CFI: variants seen among roughly 807,000 people sequenced by gnomAD.
CFI encodes the protein C3B/C4B inactivator.
In CFI, 66 loss-of-function variants were observed where a neutral mutation model predicts 78.8. That is an observed-to-expected ratio of 0.84 (90% confidence interval 0.69 to 1.03). The LOEUF (loss-of-function observed/expected upper bound fraction) is 1.03, where lower values mean the gene tolerates loss of function less well. Among genes scored for constraint, CFI ranks in the 50% least tolerant of loss-of-function variants. CFI has a pLI of 0.00. For missense variants in CFI, 706 were observed against 704.5 expected, an observed-to-expected ratio of 1.00 and a Z score of -0.02; for synonymous variants, 250 against 232.6, an observed-to-expected ratio of 1.07 and a Z score of -0.68.
rs1724851850 is a variant in CFI, at chr4:109,749,313, G to A, written c.1053C>T (p.Leu351=). 1 of 1,613,630 alleles carries A rather than the reference G, an allele frequency of 6.2e-7. No homozygotes were observed. Among genetic ancestry groups the A allele is most frequent in the South Asian group, 1.1e-5 (1 of 91,080 alleles). The change falls in exon 10 of 13, where the codon CTC becomes CTT. Residue 351 remains leucine, a synonymous_variant. Coordinates refer to ENST00000394634, the MANE Select transcript of CFI (RefSeq NM_000204.5). ...VGGKRAQLGD[L]PWQVAIKDAS... ...CATCCTTAATTGCCACCTGCCATGGGAGGTCTCCCTGTAAAAGACATTTGT... is the reference window on the plus strand; with the variant it reads ...CATCCTTAATTGCCACCTGCCATGGAAGGTCTCCCTGTAAAAGACATTTGT...
At chr4:109,777,000 A>G (rs1253262379) in intron 1 of CFI, among the ~76,000 whole-genome samples, 1 of 152,240 alleles carries the variant, frequency 6.6e-6, no homozygotes, top group Non-Finnish European at 1.5e-5. Flanking sequence ...AACAACCAGT[A>G]CCAGCCACTG....
intron 6 of CFI, chr4:109,758,108 G>C (rs1220681824): frequency 3.9e-6 from 2 of 509,542 alleles, no homozygotes; most frequent in East Asian, 3.3e-5. Context: ...CTAAATAAGA[G>C]TAAACTGAAG....
chr4:109,745,584 A>G (rs1273044171), intron 11 of CFI, among the ~76,000 whole-genome samples: 1 of 152,182 alleles, frequency 6.6e-6, no homozygotes, highest in Non-Finnish European at 1.5e-5. Flanking sequence ...TTTTATTCGT[A>G]TGAAGTGTTC....
chr4:109,782,810 C>T (rs998472235), intron 1 of CFI, among the ~76,000 whole-genome samples: 3 of 151,932 alleles, frequency 2.0e-5, no homozygotes, highest in African/African-American at 4.8e-5. Flanking sequence ...AAAACAGTGT[C>T]GTACTGGTAT....
At chr4:109,766,436 GA>G (rs1172862184) in intron 2 of CFI, 117 bp downstream of exon 2, 24 of 1,210,836 alleles carry the variant, frequency 2.0e-5, no homozygotes, top group South Asian at 8.8e-5. Flanking sequence ...TGAGAGTCTA[GA>G]AAAAAATTTT....
chr4:109,775,510 C>T (rs973324788), intron 1 of CFI, among the ~76,000 whole-genome samples: 1 of 152,242 alleles, frequency 6.6e-6, no homozygotes, highest in Non-Finnish European at 1.5e-5. Flanking sequence ...GAAGCTCTAA[C>T]TGGGTGGAGC....
chr4:109,776,944 G>T (rs201284784), intron 1 of CFI, among the ~76,000 whole-genome samples: 1 of 152,172 alleles, frequency 6.6e-6, no homozygotes, highest in Admixed American at 6.5e-5. Context: ...TCACCATCAG[G>T]CCTGCCTTAC....
At chr4:109,746,637 T>C in intron 10 of CFI, 135 bp from the exon 11 acceptor site, 2 of 713,060 alleles carry the variant, frequency 2.8e-6, no homozygotes, top group Non-Finnish European at 2.3e-6. Flanking sequence ...CTTGCTGTCA[T>C]GAAGCAATGA....
intron 7 of CFI, among the ~76,000 whole-genome samples, chr4:109,754,849 G>C (rs960483948): frequency 4.8e-4 from 73 of 152,226 alleles, no homozygotes; most frequent in African/African-American, 1.7e-3. Flanking sequence ...GGTGTACTAG[G>C]TATTAGAAGA....
chr4:109,764,559 A>C lies in CFI; in HGVS notation c.460T>G (p.Cys154Gly). Residue 154 changes from cysteine to glycine, a missense_variant, in exon 3 of 13, where the codon TGC becomes GGC. Cys to Gly is a radical substitution (Grantham distance 159). Coordinates refer to ENST00000394634, the MANE Select transcript of CFI (RefSeq NM_000204.5). ...SWSMREANVA[C>G]LDLGFQQGAD... ...CACTGTTGAAACCCAAGGTCAAGGC[A>C]GGCCACGTTGGCTTCCCTCATGCTC... 6.2e-7 allele frequency: 1 copy of C among 1,614,180 alleles called. No individual in the cohort carries two copies. The highest frequency in any genetic ancestry group is 8.5e-7 in the Non-Finnish European group (1 of 1,180,012).
At chr4:109,753,800 T>C (rs867781953) in intron 7 of CFI, among the ~76,000 whole-genome samples, 1 of 106,662 alleles carries the variant, frequency 9.4e-6, no homozygotes. Context: ...ATATTATATA[T>C]TATCTAATGT....
At chr4:109,760,709 G>T in intron 4 of CFI, 73 bp from the exon 5 acceptor site, 1 of 867,100 alleles carries the variant, frequency 1.2e-6, no homozygotes, top group Non-Finnish European at 2.0e-6. Context: ...AGATTTTTGG[G>T]ATAATGGAGT....
chr4:109,780,351 C>T lies in CFI; in HGVS notation c.58-13527G>A, dbSNP rs532102620. Among the ~76,000 whole-genome samples the T allele has an allele frequency of 2.0e-5, 3 of 152,144 alleles. 1 individual carries two copies. The highest frequency in any genetic ancestry group is 4.4e-5 in the Non-Finnish European group (3 of 68,030). On this transcript the variant is annotated intron_variant, in intron 1 of 12. Coordinates refer to ENST00000394634, the MANE Select transcript of CFI (RefSeq NM_000204.5). ...AGTGGTCGAAGGATATGAAGAGACA[C>T]TTCTCAAAAGAAGACATTTATGCAG...
chr4:109,749,627 C>T, intron 8 of CFI, 25 bp from the exon 9 acceptor site: 1 of 1,446,128 alleles, frequency 6.9e-7, no homozygotes, highest in Non-Finnish European at 9.7e-7. Context: ...GAGATTACAT[C>T]ATTATTATCT....
intron 7 of CFI, among the ~76,000 whole-genome samples, chr4:109,754,121 T>C (rs1162181227): frequency 1.3e-5 from 2 of 151,560 alleles, no homozygotes; most frequent in African/African-American, 4.8e-5. Context: ...GTAGCTGGGA[T>C]TACAGGTGTG....
At chr4:109,743,594 T>G (rs558841114) in intron 11 of CFI, among the ~76,000 whole-genome samples, 1 of 152,336 alleles carries the variant, frequency 6.6e-6, no homozygotes, top group African/African-American at 2.4e-5. Context: ...GCAGACATAG[T>G]AAATCCTCAA....
intron 1 of CFI, among the ~76,000 whole-genome samples, chr4:109,790,674 A>C (rs1017171525): frequency 6.6e-6 from 1 of 152,116 alleles, no homozygotes; most frequent in Non-Finnish European, 1.5e-5. Flanking sequence ...TCCACTTATA[A>C]ATGAGAACAT....
intron 1 of CFI, among the ~76,000 whole-genome samples, chr4:109,799,278 T>C (rs1460707347): frequency 3.3e-5 from 5 of 152,220 alleles, no homozygotes; most frequent in Non-Finnish European, 7.3e-5. Flanking sequence ...ATGCCTGTGC[T>C]TTGTAATATT....
Position 109,764,567 on chromosome 4 carries a change from T to C in CFI, c.452A>G (p.Asn151Ser), listed in dbSNP as rs772044176. 19 of 1,614,064 alleles carry C rather than the reference T, an allele frequency of 1.2e-5. No individual in the cohort carries two copies. Among genetic ancestry groups the C allele is most frequent in the Admixed American group, 1.2e-4 (7 of 60,004 alleles). The change falls in exon 3 of 13, where the codon AAC (asparagine) becomes AGC (serine). Residue 151 changes from asparagine (N) to serine (S), a missense_variant. Transcript: ENST00000394634. ...AAACCCAAGGTCAAGGCAGGCCACGTTGGCTTCCCTCATGCTCCAGCTGCT... is the reference window on the plus strand; with the variant it reads ...AAACCCAAGGTCAAGGCAGGCCACGCTGGCTTCCCTCATGCTCCAGCTGCT... ...CKSSWSMREA[N>S]VACLDLGFQQ...
Sources: allele counts gnomAD v4.1 joint callset (sites outside exome capture counted in the v4.1 genomes callset), GRCh38; gene constraint gnomAD v4.1.1; transcripts MANE v1.5; gene names NCBI Gene and HGNC (gene_info 2026-07-23, HGNC 2026-07-21).